Variants in ST7 observed in about 807,000 individuals in gnomAD.
The protein encoded by ST7 is suppression of tumorigenicity 7, also known as suppressor of tumorigenicity 7 protein.
Under a neutral mutation model 78.7 loss-of-function variants are expected in ST7, and 28 were observed. The ratio of observed to expected loss-of-function variants is 0.36; its 90% CI spans 0.26 to 0.49. ST7 has a LOEUF of 0.49. Among genes scored for constraint, ST7 ranks in the 20% least tolerant of loss-of-function variants. The pLI is 0.99. For synonymous variants in ST7, 247 were observed against 249.6 expected (o/e 0.99, Z 0.10); for missense variants, 418 against 696.0 (o/e 0.60, Z 4.49).
At chr7:117,031,351 T>G in intron 1 of ST7, among the ~76,000 whole-genome samples, 1 of 149,944 alleles carries the variant, frequency 6.7e-6, no homozygotes, top group African/African-American at 2.4e-5. Flanking sequence ...GAACCTAAAA[T>G]AAATGTGTGT....
intron 1 of ST7, among the ~76,000 whole-genome samples, chr7:116,983,754 A>T (rs1003716950): frequency 7.9e-5 from 12 of 152,002 alleles, no homozygotes; most frequent in Non-Finnish European, 1.8e-4. Flanking sequence ...GGCCCCACCT[A>T]TGACTTTAGA....
intron 2 of ST7, among the ~76,000 whole-genome samples, chr7:117,105,459 G>A (rs374518898): frequency 6.6e-6 from 1 of 152,106 alleles, no homozygotes; most frequent in African/African-American, 2.4e-5. Context: ...TTTTAAAATT[G>A]TTTGTAGAGA....
chr7:116,971,532 A>G (rs1793421065), intron 1 of ST7, among the ~76,000 whole-genome samples: 1 of 152,158 alleles, frequency 6.6e-6, no homozygotes. Flanking sequence ...AAAATAAGAA[A>G]AAAGAAATAA....
intron 1 of ST7, among the ~76,000 whole-genome samples, chr7:117,094,206 A>G (rs1800852023): frequency 6.6e-6 from 1 of 152,156 alleles, no homozygotes. Flanking sequence ...TCACATATCT[A>G]ATTCCCCACC....
intron 1 of ST7, among the ~76,000 whole-genome samples, chr7:116,991,363 GA>G (rs1442449113): frequency 6.6e-6 from 1 of 152,160 alleles, no homozygotes; most frequent in African/African-American, 2.4e-5. Context: ...GGAAGAAAAA[GA>G]GGTTTAATTG....
chr7:117,216,331 T>G (rs1781930188), intron 13 of ST7, among the ~76,000 whole-genome samples: 1 of 152,222 alleles, frequency 6.6e-6, no homozygotes, highest in African/African-American at 2.4e-5. Flanking sequence ...TACCATGTAT[T>G]CACTCTGAGT....
At chr7:116,999,970 C>T (rs902955904) in intron 1 of ST7, among the ~76,000 whole-genome samples, 2 of 151,872 alleles carry the variant, frequency 1.3e-5, no homozygotes, top group African/African-American at 4.8e-5. Flanking sequence ...GCCACCACGC[C>T]CAGCTAATTT....
At chr7:117,208,934 T>G (rs183070398) in intron 12 of ST7, among the ~76,000 whole-genome samples, 2 of 147,774 alleles carry the variant, frequency 1.4e-5, no homozygotes, top group Non-Finnish European at 3.0e-5. Flanking sequence ...TGTGTGTGTG[T>G]GTGTGTGTGT....
At chr7:117,172,242 G>T (rs1292631093) in intron 10 of ST7, among the ~76,000 whole-genome samples, 1 of 152,184 alleles carries the variant, frequency 6.6e-6, no homozygotes. Context: ...ACCACACCTG[G>T]CCATTGGGTC....
intron 1 of ST7, among the ~76,000 whole-genome samples, chr7:117,027,302 A>G (rs370054526): frequency 1.3e-5 from 2 of 152,040 alleles, no homozygotes; most frequent in Admixed American, 6.6e-5. Context: ...TTAGCCGGGC[A>G]TGGTGGCGCA....
chr7:117,191,060 C>T (rs1373245719), intron 12 of ST7, 124 bp downstream of exon 12: 75 of 762,220 alleles, frequency 9.8e-5, no homozygotes, highest in Non-Finnish European at 1.6e-4. Flanking sequence ...AATGTTGAGA[C>T]CCTGTATAAT....
At chr7:116,999,365 T>G (rs1794818232) in intron 1 of ST7, among the ~76,000 whole-genome samples, 1 of 152,230 alleles carries the variant, frequency 6.6e-6, no homozygotes, top group African/African-American at 2.4e-5. Context: ...CTAAGCATCT[T>G]AGATACTTGG....
At chr7:116,991,211 G>A (rs1008642394) in intron 1 of ST7, among the ~76,000 whole-genome samples, 10 of 152,308 alleles carry the variant, frequency 6.6e-5, no homozygotes, top group African/African-American at 2.4e-4. Flanking sequence ...AAGGTTCCTA[G>A]GCTACTACTT....
chr7:117,057,644 C>G (rs1487867226), intron 1 of ST7, among the ~76,000 whole-genome samples: 1 of 152,094 alleles, frequency 6.6e-6, no homozygotes, highest in Non-Finnish European at 1.5e-5. Context: ...AGATATTAAG[C>G]TATTTCAGAC....
At chr7:117,047,475 C>A (rs989244490) in intron 1 of ST7, among the ~76,000 whole-genome samples, 3 of 152,118 alleles carry the variant, frequency 2.0e-5, no homozygotes, top group African/African-American at 7.2e-5. Context: ...ATGGTATTCA[C>A]ATGATATAAT....
At chr7:117,143,424 C>T (rs1248741535) in intron 9 of ST7, among the ~76,000 whole-genome samples, 3 of 152,158 alleles carry the variant, frequency 2.0e-5, no homozygotes, top group African/African-American at 7.2e-5. Flanking sequence ...CTCATAATCT[C>T]TTTGCGGGAT....
In ST7 at chr7:117,031,882, AT is replaced by A. The variant is rs760153477; in HGVS notation, c.152-67864del. On this transcript the variant is annotated intron_variant, in intron 1 of 15. Coordinates refer to ENST00000323984, the MANE Select transcript of ST7 (RefSeq NM_001369598.1). ...TCTATCTATCTATCTATATATATAT[AT>A]TTTTTTTTTTTTTTTGGCAATGGAG... 3.5e-3 allele frequency among the ~76,000 whole-genome samples: 388 copies of A among 110,322 alleles called. 20 individuals are homozygous for A. The highest frequency in any genetic ancestry group is 9.5e-3 in the African/African-American group (265 of 27,792). 72.4% of individuals were successfully genotyped at this position (110,322 alleles called of 152,430 possible).
intron 9 of ST7, among the ~76,000 whole-genome samples, chr7:117,161,591 C>CTTTTTTTTTTTTTTTTTTTTTTTTTTTTT (rs60505994): frequency 8.8e-6 from 1 of 113,594 alleles, no homozygotes; most frequent in Admixed American, 1.1e-4. Context: ...TTCTTTCTTT[C>CTTTTTTTTTTTTTTTTTTTTTTTTTTTTT]TTTTTTTTTT....
rs1345713917 is a variant in ST7 at position 116,972,023 on chromosome 7, CAG to C, written c.151+18333_151+18334del. The C allele has an allele frequency of 1.5e-4, 68 of 442,920 alleles. No homozygotes were observed. The East Asian group carries it at 2.3e-3, about 15-fold the overall frequency. The allele number at this position is 442,920 out of a possible 1,614,324, so 27.4% of individuals were successfully genotyped here. A position where few individuals can be genotyped will look rare whatever the true frequency, so the allele number is the denominator to read the frequency against. Reference sequence around the variant, plus strand: ...CAGAGACAGTTTGGGGAAAAAGACACAGGGGAGGAGCGGGAGGCAAAAGCGGA... The same window carrying C: ...CAGAGACAGTTTGGGGAAAAAGACACGGGAGGAGCGGGAGGCAAAAGCGGA... On this transcript the variant is annotated intron_variant, in intron 1 of 15. Coordinates refer to ENST00000323984, the MANE Select transcript of ST7 (RefSeq NM_001369598.1).
Sources: allele counts gnomAD v4.1 joint callset (sites outside exome capture counted in the v4.1 genomes callset), GRCh38; gene constraint gnomAD v4.1.1; transcripts MANE v1.5; gene names NCBI Gene and HGNC (gene_info 2026-07-23, HGNC 2026-07-21).